The following SOX6 variants were observed in gnomAD, a reference collection of about 807,000 sequenced individuals.
The protein encoded by SOX6 is SRY-box transcription factor 6.
In SOX6, 11 loss-of-function variants were observed where a neutral mutation model predicts 97.8. That is an observed-to-expected ratio of 0.11 (90% CI 0.07 to 0.19). The LOEUF (loss-of-function observed/expected upper bound fraction) is 0.19, where lower values mean the gene tolerates loss of function less well. SOX6 is among the 10% of genes least tolerant of loss of function. The pLI is 1.00. For missense variants in SOX6, 810 were observed against 1,039.5 expected (o/e 0.78, Z 3.04); for synonymous variants, 360 against 371.4 (o/e 0.97, Z 0.35).
At chr11:16,373,304 C>T (rs1328685588) in intron 1 of SOX6, among the ~76,000 whole-genome samples, 1 of 152,078 alleles carries the variant, frequency 6.6e-6, no homozygotes, top group Non-Finnish European at 1.5e-5. Context: ...ATTCTAGACA[C>T]ATGCCTAAAA....
At chr11:16,263,303 G>A (rs1268899168) in intron 3 of SOX6, among the ~76,000 whole-genome samples, 1 of 151,772 alleles carries the variant, frequency 6.6e-6, no homozygotes, top group Non-Finnish European at 1.5e-5. Flanking sequence ...AACTTACTCT[G>A]TATCACAATA....
intron 4 of SOX6, among the ~76,000 whole-genome samples, chr11:16,485,377 G>C (rs1300980236): frequency 2.6e-5 from 4 of 152,072 alleles, no homozygotes; most frequent in African/African-American, 9.7e-5. Flanking sequence ...TTTAAGGTGA[G>C]GAGTTCAAAA....
intron 1 of SOX6, among the ~76,000 whole-genome samples, chr11:16,345,358 T>A (rs1565103166): frequency 6.6e-6 from 1 of 151,956 alleles, no homozygotes; most frequent in Non-Finnish European, 1.5e-5. Context: ...CATCATATGT[T>A]CCCTGAGTTT....
At chr11:16,697,923 T>A (rs1369746583) in intron 3 of SOX6, among the ~76,000 whole-genome samples, 1 of 152,198 alleles carries the variant, frequency 6.6e-6, no homozygotes, top group African/African-American at 2.4e-5. Flanking sequence ...TATAAACAAA[T>A]GTGCTGTCAT....
At chr11:16,653,007 G>GA (rs1446015083) in intron 3 of SOX6, among the ~76,000 whole-genome samples, 3 of 151,880 alleles carry the variant, frequency 2.0e-5, no homozygotes, top group South Asian at 2.1e-4. Flanking sequence ...AAAAACATAT[G>GA]AAAAAAATGC....
chr11:16,583,258 T>C (rs1386940623), intron 4 of SOX6, among the ~76,000 whole-genome samples: 7 of 152,000 alleles, frequency 4.6e-5, no homozygotes, highest in Admixed American at 3.3e-4. Context: ...GTAATATCCA[T>C]CACCTCAAAG....
intron 4 of SOX6, among the ~76,000 whole-genome samples, chr11:16,190,203 C>T (rs939973184): frequency 2.6e-5 from 4 of 152,094 alleles, no homozygotes; most frequent in Non-Finnish European, 5.9e-5. Context: ...TAAATTTTTT[C>T]TTTGGACTTA....
intron 1 of SOX6, among the ~76,000 whole-genome samples, chr11:16,415,323 T>A (rs1858904398): frequency 6.9e-6 from 1 of 144,842 alleles, no homozygotes; most frequent in East Asian, 2.1e-4. Context: ...CTTATATGGA[T>A]GCTTAAAAAA....
intron 3 of SOX6, among the ~76,000 whole-genome samples, chr11:16,237,253 T>C (rs1034030458): frequency 1.3e-4 from 19 of 151,960 alleles, no homozygotes. Flanking sequence ...CTCCACGTAA[T>C]AATATAAAGT....
At chr11:16,454,962 T>C (rs1859786942) in intron 1 of SOX6, among the ~76,000 whole-genome samples, 1 of 152,086 alleles carries the variant, frequency 6.6e-6, no homozygotes. Context: ...TCTCTTAGAC[T>C]CTAAAGACTT....
At chr11:16,085,259 G>A (rs538190954) in intron 9 of SOX6, among the ~76,000 whole-genome samples, 1 of 152,166 alleles carries the variant, frequency 6.6e-6, no homozygotes, top group Non-Finnish European at 1.5e-5. Flanking sequence ...ATCCCAGTAT[G>A]GTGAGGACTG....
At position 16,258,815 on chromosome 11, in the gene SOX6, C is replaced by G. The variant is rs193155614; in HGVS notation, c.446-24144G>C. On this transcript the variant is annotated intron_variant, in intron 3 of 15. Coordinates refer to ENST00000683767, the MANE Select transcript of SOX6 (RefSeq NM_001367873.1). ...GGGGAGTCTGAGAGGGAGGGACGGG[C>G]TATATACATGTATATACACACACAC... Among the ~76,000 whole-genome samples, 326 of 146,060 alleles carry G rather than the reference C, an allele frequency of 2.2e-3. 6 individuals carry two copies. The highest frequency in any genetic ancestry group is 3.5e-4 in the Non-Finnish European group (23 of 65,726).
chr11:16,294,058 A>G (rs1232476895), intron 3 of SOX6, among the ~76,000 whole-genome samples: 2 of 152,072 alleles, frequency 1.3e-5, no homozygotes, highest in Non-Finnish European at 2.9e-5. Flanking sequence ...ACAAAATTTT[A>G]GAAGTTTTAG....
At chr11:16,488,566 T>TA (rs1275080397) in intron 4 of SOX6, among the ~76,000 whole-genome samples, 1 of 152,124 alleles carries the variant, frequency 6.6e-6, no homozygotes, top group African/African-American at 2.4e-5. Flanking sequence ...ATCCACTTTT[T>TA]AAAGAGGAAT....
intron 4 of SOX6, among the ~76,000 whole-genome samples, chr11:16,530,065 T>C (rs924775840): frequency 6.6e-6 from 1 of 151,900 alleles, no homozygotes; most frequent in Non-Finnish European, 1.5e-5. Context: ...CTGGATGACA[T>C]ATAACAGAAA....
intron 1 of SOX6, among the ~76,000 whole-genome samples, chr11:16,409,901 CCCAAATATATAGAAAA>C (rs1685825956): frequency 6.6e-6 from 1 of 151,544 alleles, no homozygotes; most frequent in Admixed American, 6.6e-5. Context: ...TAAAATAAGG[CCCAAATATATAGAAAA>C]CCAAAAACCA....
intron 3 of SOX6, among the ~76,000 whole-genome samples, chr11:16,662,540 A>G (rs1847773594): frequency 6.6e-6 from 1 of 152,216 alleles, no homozygotes; most frequent in Non-Finnish European, 1.5e-5. Flanking sequence ...AATATTTTTA[A>G]AAAGGATAAT....
In SOX6 at chr11:15,972,820, T is replaced by C. The variant is rs1268120576; in HGVS notation, c.2476A>G (p.Ser826Gly). The change falls in exon 16 of 16, where the codon AGT becomes GGT. Residue 826 changes from serine to glycine, a missense_variant. Around this residue, in one of 9 missense-constraint regions of SOX6, gnomAD observed 122 missense variants for 153.4 expected, o/e 0.80. Coordinates refer to ENST00000683767, the MANE Select transcript of SOX6 (RefSeq NM_001367873.1). ...SSENEAPEAV[S>G]AN ...CAAACAAAAACTCCTCAGTTGGCAC[T>C]GACAGCCTCCGGGGCTTCATTTTCA... 3 of 1,614,108 alleles carry C rather than the reference T, an allele frequency of 1.9e-6. No individual in the cohort carries two copies. Among genetic ancestry groups the C allele is most frequent in the Non-Finnish European group, 2.5e-6 (3 of 1,180,046 alleles).
At chr11:16,375,591 G>A (rs1298440607) in intron 1 of SOX6, among the ~76,000 whole-genome samples, 1 of 151,910 alleles carries the variant, frequency 6.6e-6, no homozygotes, top group African/African-American at 2.4e-5. Context: ...ATATTATTTG[G>A]TGACAGTAAT....
Sources: allele counts gnomAD v4.1 joint callset (sites outside exome capture counted in the v4.1 genomes callset), GRCh38; gene constraint gnomAD v4.1.1; regional missense constraint gnomAD v4.1.1; transcripts MANE v1.5; gene names NCBI Gene and HGNC (gene_info 2026-07-23, HGNC 2026-07-21).